Variants in PTPRK observed in about 807,000 individuals in gnomAD.
PTPRK encodes protein tyrosine phosphatase receptor type K, also known as receptor-type tyrosine-protein phosphatase kappa.
Under a neutral mutation model 178.0 loss-of-function variants are expected in PTPRK, and 75 were observed. The ratio of observed to expected loss-of-function variants is 0.42; its 90% CI spans 0.35 to 0.51. The LOEUF (loss-of-function observed/expected upper bound fraction) is 0.51. Among genes scored for constraint, PTPRK ranks in the 20% least tolerant of loss-of-function variants. The probability of loss-of-function intolerance (pLI) is 0.02; values close to 1 mark genes in which losing one functional copy is unlikely to be tolerated. For synonymous variants in PTPRK, 637 were observed against 620.6 expected (o/e 1.03, Z -0.39); for missense variants, 1,441 against 1,797.8 (o/e 0.80, Z 3.59).
intron 1 of PTPRK, among the ~76,000 whole-genome samples, chr6:128,408,784 T>G (rs921062753): frequency 6.6e-6 from 1 of 152,128 alleles, no homozygotes; most frequent in Non-Finnish European, 1.5e-5. Flanking sequence ...AGGAAAAAAT[T>G]GAAAGAACAG....
chr6:128,392,646 T>C (rs1234270820), intron 2 of PTPRK, among the ~76,000 whole-genome samples: 3 of 152,186 alleles, frequency 2.0e-5, no homozygotes, highest in African/African-American at 7.2e-5. Flanking sequence ...GAATGATTTC[T>C]AGTTCTATGC....
intron 9 of PTPRK, 43 bp from the exon 10 acceptor site, chr6:128,082,681 T>C (rs368029721): frequency 1.9e-5 from 27 of 1,402,744 alleles, no homozygotes; most frequent in African/African-American, 1.3e-4. Context: ...GTATCCATCA[T>C]AAGAAACTGT....
chr6:128,278,822 A>G (rs540024234), intron 3 of PTPRK, among the ~76,000 whole-genome samples: 60 of 152,346 alleles, frequency 3.9e-4, no homozygotes, highest in African/African-American at 1.3e-3. Flanking sequence ...ATAATGAGAC[A>G]CATCCAATAA....
intron 3 of PTPRK, among the ~76,000 whole-genome samples, chr6:128,258,823 G>A (rs1296608292): frequency 1.3e-5 from 2 of 152,208 alleles, no homozygotes; most frequent in East Asian, 3.8e-4. Context: ...CAGGCACAAA[G>A]ACTTTGAGAT....
chr6:127,983,579 T>C (rs1775609078), intron 22 of PTPRK, among the ~76,000 whole-genome samples: 1 of 152,146 alleles, frequency 6.6e-6, no homozygotes, highest in Admixed American at 6.5e-5. Flanking sequence ...AAACTAAAGA[T>C]TGGAACAAGA....
At chr6:128,234,165 G>A (rs1812806093) in intron 5 of PTPRK, among the ~76,000 whole-genome samples, 1 of 152,182 alleles carries the variant, frequency 6.6e-6, no homozygotes, top group Non-Finnish European at 1.5e-5. Flanking sequence ...TTTATTTCAA[G>A]TTAGGCTAAT....
rs541421519 is a variant in PTPRK at position 128,047,652 on chromosome 6, T to C, written c.2194+17106A>G. Among the ~76,000 whole-genome samples the C allele has an allele frequency of 9.2e-5, 14 of 152,306 alleles. No individual in the cohort carries two copies. The South Asian group carries it at 2.7e-3, about 29-fold the overall frequency. ...TATTTTAAAAATATCATGGTAATGA[T>C]TAGGTTACATGAACTTTAAGTGCTT... On this transcript the variant is annotated intron_variant, in intron 13 of 29. Transcript: ENST00000368226.
At chr6:128,336,965 A>C (rs1831014861) in intron 2 of PTPRK, among the ~76,000 whole-genome samples, 1 of 152,066 alleles carries the variant, frequency 6.6e-6, no homozygotes, top group South Asian at 2.1e-4. Flanking sequence ...GTCCATAAAA[A>C]CCTTGCCATG....
At chr6:128,067,925 G>A (rs1782115864) in intron 11 of PTPRK, 133 bp from the exon 12 acceptor site, 3 of 843,690 alleles carry the variant, frequency 3.6e-6, no homozygotes, top group South Asian at 3.9e-5. Flanking sequence ...GTCTTAACCT[G>A]GTATACTCTT....
At chr6:128,418,129 A>G (rs958513794) in intron 1 of PTPRK, among the ~76,000 whole-genome samples, 5 of 152,248 alleles carry the variant, frequency 3.3e-5, no homozygotes, top group Admixed American at 2.6e-4. Context: ...CATTTATTAC[A>G]AAGGTCTAAC....
At chr6:128,488,935 T>A (rs949787267) in intron 1 of PTPRK, among the ~76,000 whole-genome samples, 6 of 151,094 alleles carry the variant, frequency 4.0e-5, no homozygotes, top group African/African-American at 1.5e-4. Flanking sequence ...AAAAAAAAAA[T>A]AAGAAAAACT....
intron 5 of PTPRK, among the ~76,000 whole-genome samples, chr6:128,228,035 T>G (rs1811652437): frequency 4.7e-5 from 7 of 150,426 alleles, no homozygotes. Context: ...GGTTGATGAG[T>G]GCAGCAAACC....
chr6:127,999,040 A>G (rs1380476077), intron 15 of PTPRK, 136 bp from the exon 16 acceptor site: 7 of 746,370 alleles, frequency 9.4e-6, no homozygotes, highest in Non-Finnish European at 6.2e-6. Flanking sequence ...GAAATATCAT[A>G]CAGTATAGGC....
chr6:128,120,629 T>C (rs1354201923), intron 7 of PTPRK, among the ~76,000 whole-genome samples: 2 of 151,900 alleles, frequency 1.3e-5, no homozygotes, highest in Non-Finnish European at 2.9e-5. Context: ...ATATTAATCA[T>C]GATAAAGGCA....
intron 1 of PTPRK, among the ~76,000 whole-genome samples, chr6:128,468,683 T>C (rs999256194): frequency 6.6e-6 from 1 of 152,144 alleles, no homozygotes; most frequent in Non-Finnish European, 1.5e-5. Context: ...TGGTAATTCA[T>C]ATTTAGACAT....
chr6:128,188,553 C>G (rs1346935133), intron 6 of PTPRK, among the ~76,000 whole-genome samples: 1 of 152,106 alleles, frequency 6.6e-6, no homozygotes, highest in Non-Finnish European at 1.5e-5. Flanking sequence ...CATAAAGTAT[C>G]GTAAGATTAG....
At chr6:128,376,269 C>A in intron 2 of PTPRK, among the ~76,000 whole-genome samples, 1 of 152,182 alleles carries the variant, frequency 6.6e-6, no homozygotes, top group Non-Finnish European at 1.5e-5. Context: ...TTCCATACAG[C>A]CTCTGAAATC....
intron 3 of PTPRK, among the ~76,000 whole-genome samples, chr6:128,299,522 A>T (rs1328906143): frequency 2.0e-5 from 3 of 151,370 alleles, no homozygotes; most frequent in Non-Finnish European, 4.4e-5. Flanking sequence ...ACCAAAACAG[A>T]GATATAGATC....
chr6:128,068,983 GGAGA>G (rs891404765), intron 11 of PTPRK, among the ~76,000 whole-genome samples: 3 of 150,892 alleles, frequency 2.0e-5, no homozygotes, highest in South Asian at 2.1e-4. Context: ...GAGAGAGAGA[GGAGA>G]GAGAGAGATA....
Sources: allele counts gnomAD v4.1 joint callset (sites outside exome capture counted in the v4.1 genomes callset), GRCh38; gene constraint gnomAD v4.1.1; transcripts MANE v1.5; gene names NCBI Gene and HGNC (gene_info 2026-07-23, HGNC 2026-07-21).